Variants in MYO5A observed in about 807,000 individuals in gnomAD.
MYO5A encodes myosin VA, also known as unconventional myosin-Va.
In MYO5A, 98 loss-of-function variants were observed where a neutral mutation model predicts 249.7. The observed-to-expected ratio is 0.39, with a 90% CI of 0.33 to 0.46. The LOEUF (loss-of-function observed/expected upper bound fraction) is 0.46, where lower values mean the gene tolerates loss of function less well. MYO5A is among the 20% of genes least tolerant of loss of function. The probability of loss-of-function intolerance (pLI) is 0.98; values close to 1 mark genes in which losing one functional copy is unlikely to be tolerated. For synonymous variants in MYO5A, 778 were observed against 810.6 expected (o/e 0.96, Z 0.68); for missense variants, 1,696 against 2,308.8 (o/e 0.73, Z 5.44).
chr15:52,320,449 G>C (rs1183947762), intron 38 of MYO5A, among the ~76,000 whole-genome samples: 1 of 152,184 alleles, frequency 6.6e-6, no homozygotes, highest in Non-Finnish European at 1.5e-5. Flanking sequence ...CAAAGCAATA[G>C]AAAAACTGGC....
intron 21 of MYO5A, among the ~76,000 whole-genome samples, chr15:52,371,872 A>ATAATAG (rs1432237666): frequency 9.5e-6 from 1 of 105,624 alleles, no homozygotes; most frequent in Non-Finnish European, 1.9e-5. Flanking sequence ...CCTGTCTCAA[A>ATAATAG]TAATAGTAAT....
chr15:52,455,687 A>G (rs1330658648), intron 1 of MYO5A, among the ~76,000 whole-genome samples: 2 of 152,128 alleles, frequency 1.3e-5, no homozygotes, highest in Non-Finnish European at 2.9e-5. Context: ...AATACATCAC[A>G]TTAACAGAAC....
chr15:52,323,769 C>A, intron 36 of MYO5A: 17 of 320,280 alleles, frequency 5.3e-5, no homozygotes, highest in Non-Finnish European at 8.5e-5. Flanking sequence ...TTTGGGAGGC[C>A]GAGGCAGATG....
At chr15:52,446,237 G>A (rs138851281) in intron 1 of MYO5A, among the ~76,000 whole-genome samples, 1 of 152,364 alleles carries the variant, frequency 6.6e-6, no homozygotes, top group Non-Finnish European at 1.5e-5. Flanking sequence ...CAGCCTCAGA[G>A]CTCTGCTTCC....
In MYO5A at chr15:52,389,254, T is replaced by C. The variant is rs746616161; in HGVS notation, c.1652A>G (p.Gln551Arg). ...PRLSNKAFIIQHFADKVEYQC... is the reference protein window; with the variant it reads ...PRLSNKAFIIRHFADKVEYQC... The stretch of plus-strand genomic sequence containing the variant: ...CTTCCTTACTTTGTCAGCAAAATGT[T>C]GGATGATGAAAGCTTTGTTTGATAG... Residue 551 changes from glutamine to arginine, a missense_variant, in exon 13 of 42, where the codon CAA becomes CGA. By Grantham distance (43) the Gln-to-Arg change is conservative. Coordinates refer to ENST00000399233, the MANE Select transcript of MYO5A (RefSeq NM_001382347.1). 6.2e-7 allele frequency: 1 copy of C among 1,613,304 alleles called. No homozygotes were observed. Among genetic ancestry groups the C allele is most frequent in the Non-Finnish European group, 8.5e-7 (1 of 1,179,508 alleles).
Position 52,450,855 on chromosome 15 carries a change from T to TG in MYO5A, c.28-17571_28-17570insC, listed in dbSNP as rs1555454757. Among the ~76,000 whole-genome samples the TG allele has an allele frequency of 1.0e-4, 15 of 144,452 alleles. No homozygotes were observed. The South Asian group carries it at 1.8e-3, about 17-fold the overall frequency. The allele number at this position is 144,452 out of a possible 152,430, so 94.8% of individuals were successfully genotyped here. On this transcript the variant is annotated intron_variant, in intron 1 of 41. Coordinates refer to ENST00000399233, the MANE Select transcript of MYO5A (RefSeq NM_001382347.1). ...TTGCACTACTGTGGTTTTTTTTTTT[T>TG]TTTTTTTTTTGTGACAGGGTCTCAC... is the stretch of plus-strand genomic sequence containing the variant.
intron 31 of MYO5A, 27 bp from the exon 32 acceptor site, chr15:52,340,421 G>T: frequency 1.9e-6 from 3 of 1,605,640 alleles, no homozygotes; most frequent in East Asian, 2.2e-5. Flanking sequence ...TGGGTCGGAA[G>T]GGGAGACGAC....
rs138976257 is a variant in MYO5A, at chr15:52,507,479, A to C, written c.27+21301T>G. Among the ~76,000 whole-genome samples the C allele has an allele frequency of 4.7e-4, 71 of 152,336 alleles. 1 individual carries two copies. The East Asian group carries it at 7.7e-3, about 17-fold the overall frequency. ...CTAACTAGAATGAAGGGAAAATTTT[A>C]ATAGTGTACATAGCTGATGTCCTAA... On this transcript the variant is annotated intron_variant, in intron 1 of 41. Coordinates refer to ENST00000399233, the MANE Select transcript of MYO5A (RefSeq NM_001382347.1).
chr15:52,423,477 G>A (rs944894932), intron 4 of MYO5A, among the ~76,000 whole-genome samples: 7 of 151,944 alleles, frequency 4.6e-5, no homozygotes, highest in Non-Finnish European at 8.8e-5. Flanking sequence ...GCGTGAACCC[G>A]GGAGGCGGAG....
intron 32 of MYO5A, among the ~76,000 whole-genome samples, chr15:52,338,661 C>T (rs1001904854): frequency 6.6e-6 from 1 of 152,082 alleles, no homozygotes; most frequent in Non-Finnish European, 1.5e-5. Flanking sequence ...AAAGGTTTTC[C>T]CCAAACTCAA....
At chr15:52,415,658 T>G (rs1256465034) in intron 5 of MYO5A, among the ~76,000 whole-genome samples, 1 of 152,208 alleles carries the variant, frequency 6.6e-6, no homozygotes, top group Non-Finnish European at 1.5e-5. Context: ...ATATTAAAAT[T>G]TAAGCCAACT....
intron 13 of MYO5A, among the ~76,000 whole-genome samples, chr15:52,388,246 A>T (rs2042052884): frequency 6.6e-6 from 1 of 152,074 alleles, no homozygotes; most frequent in Non-Finnish European, 1.5e-5. Context: ...TCTCCTTCCA[A>T]CCTAGGTTAC....
intron 1 of MYO5A, among the ~76,000 whole-genome samples, chr15:52,490,154 C>T (rs943902174): frequency 6.6e-6 from 1 of 152,140 alleles, no homozygotes; most frequent in African/African-American, 2.4e-5. Context: ...TAAAATGGTG[C>T]AGCCAGTACG....
chr15:52,509,318 G>A (rs753195948), intron 1 of MYO5A, among the ~76,000 whole-genome samples: 2 of 151,992 alleles, frequency 1.3e-5, no homozygotes, highest in Non-Finnish European at 2.9e-5. Flanking sequence ...TCCTCATATT[G>A]GGTTGGAAAA....
intron 1 of MYO5A, among the ~76,000 whole-genome samples, chr15:52,476,322 C>T (rs2076592113): frequency 1.3e-5 from 2 of 152,248 alleles, no homozygotes; most frequent in South Asian, 4.1e-4. Context: ...ATACAGCACA[C>T]TGATGGGTCT....
chr15:52,321,628 A>G, intron 37 of MYO5A, 119 bp from the exon 38 acceptor site: 1 of 1,109,786 alleles, frequency 9.0e-7, no homozygotes, highest in Admixed American at 1.8e-5. Flanking sequence ...GAGCTTCCCC[A>G]CTAATGCCAG....
At chr15:52,389,122 C>T in intron 13 of MYO5A, 116 bp downstream of exon 13, 1 of 1,083,044 alleles carries the variant, frequency 9.2e-7, no homozygotes, top group South Asian at 1.5e-5. Flanking sequence ...ACTGCTGTCC[C>T]TTGAGCCCTA....
rs1172695577 is a variant in MYO5A, at chr15:52,372,046, A to G, written c.2817+78T>C. The G allele has an allele frequency of 5.6e-6, 9 of 1,604,622 alleles. No individual in the cohort carries two copies. In the East Asian group the frequency reaches 1.1e-4, roughly 20 times the overall value. On this transcript the variant is annotated intron_variant, in intron 21 of 41. Transcript: ENST00000399233. ...TACTAAGACCGAAGGGTAAAGTCAA[A>G]GAAAAACAATATTGAAAATAATCCT...
At chr15:52,488,902 G>C (rs2076878846) in intron 1 of MYO5A, among the ~76,000 whole-genome samples, 1 of 152,086 alleles carries the variant, frequency 6.6e-6, no homozygotes, top group Non-Finnish European at 1.5e-5. Flanking sequence ...AAACTCTCTG[G>C]GGAAAGATGA....
Sources: allele counts gnomAD v4.1 joint callset (sites outside exome capture counted in the v4.1 genomes callset), GRCh38; gene constraint gnomAD v4.1.1; transcripts MANE v1.5; gene names NCBI Gene and HGNC (gene_info 2026-07-23, HGNC 2026-07-21).